RALYL: variants seen among roughly 807,000 people sequenced by gnomAD.
The protein encoded by RALYL is RNA-binding Raly-like protein.
In RALYL, 29 loss-of-function variants were observed where a neutral mutation model predicts 35.1. The ratio of observed to expected loss-of-function variants is 0.83; its 90% CI spans 0.61 to 1.13. The LOEUF (loss-of-function observed/expected upper bound fraction) is 1.13. RALYL is among the 50% of genes most tolerant of loss of function. The pLI is 0.00. For synonymous variants in RALYL, 120 were observed against 127.6 expected (o/e 0.94, Z 0.40); for missense variants, 359 against 360.4 (o/e 1.00, Z 0.03).
chr8:84,664,925 C>T (rs1047494616), intron 2 of RALYL, among the ~76,000 whole-genome samples: 1 of 152,062 alleles, frequency 6.6e-6, no homozygotes, highest in African/African-American at 2.4e-5. Flanking sequence ...GGAATGCTTC[C>T]AGCTTTTGCC....
chr8:84,477,259 T>C (rs1288627459), intron 1 of RALYL, among the ~76,000 whole-genome samples: 1 of 152,056 alleles, frequency 6.6e-6, no homozygotes, highest in African/African-American at 2.4e-5. Flanking sequence ...GTCCTATTTT[T>C]AACTAAATTG....
rs1326994703 is a variant in RALYL at position 84,839,490 on chromosome 8, C to T, written c.366-10490C>T. On this transcript the variant is annotated intron_variant, in intron 4 of 8. Coordinates refer to ENST00000521268, the MANE Select transcript of RALYL (RefSeq NM_173848.7). ...GCCAGGAAGCTCGAACTGGGTGGAG[C>T]CCACCACAGCTCAAGGAGGCCTGCC... is the stretch of plus-strand genomic sequence containing the variant. Among the ~76,000 whole-genome samples, 4 of 152,330 alleles carry T rather than the reference C, an allele frequency of 2.6e-5. No individual in the cohort carries two copies. In the East Asian group the frequency reaches 7.8e-4, roughly 30 times the overall value.
intron 1 of RALYL, among the ~76,000 whole-genome samples, chr8:84,479,568 A>G (rs2053838151): frequency 6.6e-6 from 1 of 152,148 alleles, no homozygotes; most frequent in African/African-American, 2.4e-5. Flanking sequence ...AAAATGATCA[A>G]TTGATTGATT....
chr8:84,560,305 CA>C (rs945299940), intron 2 of RALYL, among the ~76,000 whole-genome samples: 11 of 151,432 alleles, frequency 7.3e-5, no homozygotes, highest in African/African-American at 2.7e-4. Flanking sequence ...GACAATTTCT[CA>C]AAAAAGGGGA....
intron 1 of RALYL, among the ~76,000 whole-genome samples, chr8:84,363,468 A>C (rs1853519478): frequency 6.6e-6 from 1 of 152,146 alleles, no homozygotes. Context: ...TGCCTTCCAT[A>C]AACAGTGCAT....
rs575391649 is a variant in RALYL at position 84,783,640 on chromosome 8, C to T, written c.332+8986C>T. Among the ~76,000 whole-genome samples, 18 of 152,276 alleles carry T rather than the reference C, an allele frequency of 1.2e-4. No individual in the cohort carries two copies. The South Asian group carries it at 3.3e-3, about 28-fold the overall frequency. ...CAATTTGGAATAAGCCTCCTGCCCC[C>T]ACTCTGCCTCCCCAGGTCCTTGAGA... On this transcript the variant is annotated intron_variant, in intron 3 of 8. Coordinates refer to ENST00000521268, the MANE Select transcript of RALYL (RefSeq NM_173848.7).
intron 2 of RALYL, among the ~76,000 whole-genome samples, chr8:84,585,707 A>C (rs1317870147): frequency 6.6e-6 from 1 of 152,052 alleles, no homozygotes; most frequent in Non-Finnish European, 1.5e-5. Context: ...CCCTTTTTTT[A>C]TACATTAACA....
intron 2 of RALYL, among the ~76,000 whole-genome samples, chr8:84,756,040 A>T (rs1811318592): frequency 6.6e-6 from 1 of 152,142 alleles, no homozygotes. Context: ...GAACAAATGG[A>T]GGCAACCTAC....
At chr8:84,866,804 A>G (rs1174357034) in intron 6 of RALYL, among the ~76,000 whole-genome samples, 2 of 152,206 alleles carry the variant, frequency 1.3e-5, no homozygotes, top group East Asian at 3.9e-4. Flanking sequence ...ATTATTAAAC[A>G]AGATATAAAA....
At chr8:84,875,824 TG>T (rs1329330809) in intron 7 of RALYL, among the ~76,000 whole-genome samples, 3 of 152,178 alleles carry the variant, frequency 2.0e-5, no homozygotes, top group Admixed American at 6.5e-5. Context: ...CTTAATTAGT[TG>T]AAAGCTAATT....
intron 4 of RALYL, among the ~76,000 whole-genome samples, chr8:84,837,085 G>T (rs769094852): frequency 6.6e-6 from 1 of 152,112 alleles, no homozygotes; most frequent in Non-Finnish European, 1.5e-5. Flanking sequence ...TTTGATCCCT[G>T]TGTCTCACTC....
intron 8 of RALYL, among the ~76,000 whole-genome samples, chr8:84,916,857 G>A (rs1013466376): frequency 6.6e-6 from 1 of 152,032 alleles, no homozygotes; most frequent in Non-Finnish European, 1.5e-5. Context: ...ATAAACTAAA[G>A]TAAAACATGA....
chr8:84,873,244 T>C (rs1375392904), intron 6 of RALYL, 40 bp from the exon 7 acceptor site: 1 of 1,174,010 alleles, frequency 8.5e-7, no homozygotes. Context: ...TATGGTGCAT[T>C]TGATGCTCTG....
intron 3 of RALYL, among the ~76,000 whole-genome samples, chr8:84,782,736 C>T (rs72681047): frequency 1.1e-3 from 161 of 152,284 alleles, no homozygotes; most frequent in Middle Eastern, 3.4e-3. Flanking sequence ...TTAGCAGGAA[C>T]GTGTGCATCT....
At chr8:84,594,559 T>C (rs2130612451) in intron 2 of RALYL, among the ~76,000 whole-genome samples, 1 of 152,136 alleles carries the variant, frequency 6.6e-6, no homozygotes, top group African/African-American at 2.4e-5. Context: ...TAAAGCATTT[T>C]ACTTTGCCTT....
At chr8:84,403,928 T>C (rs1177612259) in intron 1 of RALYL, among the ~76,000 whole-genome samples, 1 of 152,118 alleles carries the variant, frequency 6.6e-6, no homozygotes, top group African/African-American at 2.4e-5. Flanking sequence ...GGTATTTTAT[T>C]CTCTTTGTAG....
chr8:84,198,625 G>T (rs528238365), intron 1 of RALYL, among the ~76,000 whole-genome samples: 1 of 151,886 alleles, frequency 6.6e-6, no homozygotes, highest in Non-Finnish European at 1.5e-5. Flanking sequence ...TCCATTTTTT[G>T]TACCTATTAA....
intron 1 of RALYL, among the ~76,000 whole-genome samples, chr8:84,366,763 CAAAAAA>C (rs1166208925): frequency 7.1e-5 from 4 of 56,658 alleles, no homozygotes; most frequent in South Asian, 1.4e-3. Context: ...ATTTTTGTCT[CAAAAAA>C]AAAAAAAAAA....
intron 1 of RALYL, among the ~76,000 whole-genome samples, chr8:84,496,886 T>C (rs2056094992): frequency 6.6e-6 from 1 of 152,156 alleles, no homozygotes; most frequent in Non-Finnish European, 1.5e-5. Context: ...TGGAATGTTT[T>C]CCATGGCATT....
Sources: gnomAD v4.1 joint callset for allele counts (sites outside exome capture counted in the v4.1 genomes callset) on GRCh38, gnomAD v4.1.1 for gene constraint, MANE v1.5 for transcripts, NCBI Gene and HGNC (gene_info 2026-07-23, HGNC 2026-07-21) for gene names.